Variants in GNB4 observed in about 807,000 individuals in gnomAD.
GNB4 encodes the protein G protein subunit beta 4, also known as guanine nucleotide-binding protein subunit beta-4.
A neutral mutation model predicts 45.2 loss-of-function variants in GNB4; 28 were observed. That is an observed-to-expected ratio of 0.62 (90% CI 0.46 to 0.85). The LOEUF (loss-of-function observed/expected upper bound fraction) is 0.85, where lower values mean the gene tolerates loss of function less well. GNB4 is among the 40% of genes least tolerant of loss of function. The pLI, the probability that GNB4 is intolerant of heterozygous loss-of-function variation, is 0.00. For missense variants in GNB4, 321 were observed against 425.4 expected (o/e 0.75, Z 2.16); for synonymous variants, 132 against 143.7 (o/e 0.92, Z 0.58).
chr3:179,509,794 G>T, the GNB4 span, among the ~76,000 whole-genome samples: 46 of 151,982 alleles, frequency 3.0e-4, 1 homozygote, highest in Admixed American at 2.9e-3. Context: ...ATACAATATT[G>T]GTTGTCCACA....
the GNB4 span, among the ~76,000 whole-genome samples, chr3:179,472,976 A>G: frequency 6.6e-6 from 1 of 152,174 alleles, no homozygotes; most frequent in Non-Finnish European, 1.5e-5. Context: ...ATCCTGGCTA[A>G]CACAGTGAAA....
At chr3:179,405,638 G>GC (rs1412760027) in intron 8 of GNB4, 2 of 420,586 alleles carry the variant, frequency 4.8e-6, no homozygotes, top group Non-Finnish European at 8.5e-6. Context: ...TCAGAACACA[G>GC]CAAGTATTCA....
At chr3:179,466,008 T>G in the GNB4 span, among the ~76,000 whole-genome samples, 1 of 11,076 alleles carries the variant, frequency 9.0e-5, no homozygotes, top group East Asian at 0.031. Context: ...CCTCTAGTCG[T>G]TTTTTTTTTT....
Position 179,401,093 on chromosome 3 carries a change from G to T in GNB4, c.*120C>A. On this transcript the variant is annotated 3_prime_UTR_variant, in exon 10 of 10. Coordinates refer to ENST00000232564, the MANE Select transcript of GNB4 (RefSeq NM_021629.4). ...GGTAGTTTACTGAAAGCTTGTTTTT[G>T]TAGATAATCTAATAGAAAAATCTTC... is the stretch of plus-strand genomic sequence containing the variant. 3.4e-6 allele frequency: 2 copies of T among 590,916 alleles called. No individual in the cohort carries two copies. The highest frequency in any genetic ancestry group is 5.3e-5 in the South Asian group (1 of 18,918). The allele number at this position is 590,916 out of a possible 1,614,324, so 36.6% of individuals were successfully genotyped here.
chr3:179,489,048 T>A, the GNB4 span, among the ~76,000 whole-genome samples: 1 of 76,300 alleles, frequency 1.3e-5, no homozygotes, highest in Non-Finnish European at 2.6e-5. Flanking sequence ...ATATATATAA[T>A]ATATATGTAA....
chr3:179,471,144 AC>A, the GNB4 span, among the ~76,000 whole-genome samples: 1 of 149,556 alleles, frequency 6.7e-6, no homozygotes, highest in Non-Finnish European at 1.5e-5. Context: ...GCGCCACTGC[AC>A]TCCAACCTGG....
At position 179,436,007 on chromosome 3, in the gene GNB4, C is replaced by CA. The variant is rs555793321; in HGVS notation, c.-42-9766dup. Among the ~76,000 whole-genome samples the CA allele has an allele frequency of 5.1e-4, 77 of 152,064 alleles. 1 individual carries two copies. Among genetic ancestry groups the CA allele is most frequent in the African/African-American group, 1.7e-3 (72 of 41,516 alleles). On this transcript the variant is annotated intron_variant, in intron 1 of 9. Coordinates refer to ENST00000232564, the MANE Select transcript of GNB4 (RefSeq NM_021629.4). Reference sequence around the variant, plus strand: ...TGAACACATTTTAATCTGTGCAAGACAAAAAAATACAAGTATTTCTTAGCT... The same window carrying CA: ...TGAACACATTTTAATCTGTGCAAGACAAAAAAAATACAAGTATTTCTTAGCT...
intron 1 of GNB4, among the ~76,000 whole-genome samples, chr3:179,446,350 T>A (rs1162152386): frequency 6.6e-6 from 1 of 152,210 alleles, no homozygotes; most frequent in African/African-American, 2.4e-5. Flanking sequence ...TTACTACAGT[T>A]GAGAGAAAGA....
chr3:179,513,524 C>T, the GNB4 span, among the ~76,000 whole-genome samples: 139 of 152,098 alleles, frequency 9.1e-4, no homozygotes, highest in African/African-American at 3.2e-3. Flanking sequence ...ATCAGCTGTA[C>T]ATGTACATAG....
At chr3:179,456,107 C>CTTTTT (rs10603569), upstream of GNB4, among the ~76,000 whole-genome samples, 1 of 122,624 alleles carries the variant, frequency 8.2e-6, no homozygotes, top group Non-Finnish European at 1.7e-5. Context: ...GGGACATAGA[C>CTTTTT]TTTTTTTTTT....
At chr3:179,430,662 G>A (rs1468993271) in intron 1 of GNB4, among the ~76,000 whole-genome samples, 4 of 126,646 alleles carry the variant, frequency 3.2e-5, no homozygotes, top group Non-Finnish European at 6.6e-5. Context: ...TTGCTATGTT[G>A]CCCAGGCTGG....
At chr3:179,441,652 TGAGGCAGGAGAATCGTTTGAACCCGG>T (rs1258829180) in intron 1 of GNB4, among the ~76,000 whole-genome samples, 6 of 150,550 alleles carry the variant, frequency 4.0e-5, no homozygotes, top group Admixed American at 6.6e-5. Flanking sequence ...CTTGGGAGAC[TGAGGCAGGAGAATCGTTTGAACCCGG>T]GAGGCAGAGG....
the GNB4 span, among the ~76,000 whole-genome samples, chr3:179,472,320 C>T: frequency 1.3e-5 from 2 of 150,936 alleles, no homozygotes; most frequent in African/African-American, 2.4e-5. Flanking sequence ...ATAATTAACA[C>T]ATATTTTTTC....
rs1714280214 is a variant in GNB4, at chr3:179,401,020, T to C, written c.*193A>G. 4.0e-6 allele frequency: 2 copies of C among 495,654 alleles called. No individual in the cohort carries two copies. Among genetic ancestry groups the C allele is most frequent in the Non-Finnish European group, 7.3e-6 (2 of 273,392 alleles). 30.7% of individuals were successfully genotyped at this position (495,654 alleles called of 1,614,324 possible). On this transcript the variant is annotated 3_prime_UTR_variant, in exon 10 of 10. Transcript: ENST00000232564. ...CAAATTAATACACTGGTCCTTTTGA[T>C]CTCAGAAGGCGCCTTTGCCTTTTTT...
At chr3:179,447,505 C>T (rs944773997) in intron 1 of GNB4, among the ~76,000 whole-genome samples, 5 of 152,050 alleles carry the variant, frequency 3.3e-5, no homozygotes, top group Non-Finnish European at 4.4e-5. Flanking sequence ...TGCACCACCA[C>T]GCCTGGCTAA....
At chr3:179,491,846 A>T in the GNB4 span, among the ~76,000 whole-genome samples, 8 of 152,360 alleles carry the variant, frequency 5.3e-5, no homozygotes, top group Middle Eastern at 3.4e-3. Context: ...GTGAAATGTC[A>T]TGTTTATTCA....
the GNB4 span, among the ~76,000 whole-genome samples, chr3:179,494,442 G>A: frequency 0.013 from 1,929 of 152,074 alleles, 60 homozygotes; most frequent in Non-Finnish European, 0.011. Flanking sequence ...GGAGTATGGG[G>A]TGGGAGGATT....
the GNB4 span, among the ~76,000 whole-genome samples, chr3:179,459,538 C>T: frequency 2.4e-4 from 37 of 152,126 alleles, no homozygotes; most frequent in South Asian, 2.5e-3. Flanking sequence ...CAAAATTAGC[C>T]GGGCTTGGTG....
Position 179,400,020 on chromosome 3 carries a change from T to C in GNB4, c.*1193A>G, listed in dbSNP as rs915964802. On this transcript the variant is annotated 3_prime_UTR_variant, in exon 10 of 10. Coordinates refer to ENST00000232564, the MANE Select transcript of GNB4 (RefSeq NM_021629.4). The stretch of plus-strand genomic sequence containing the variant: ...TGCTTTAGGAATTTTTATTTTGGCT[T>C]TAAGTGGAATCACTTACATCTAGAC... 7.2e-5 allele frequency: 11 copies of C among 152,250 alleles called. No homozygotes were observed. The highest frequency in any genetic ancestry group is 2.4e-4 in the African/African-American group (10 of 41,464). The allele number at this position is 152,250 out of a possible 1,614,324, so 9.4% of individuals were successfully genotyped here.
Sources: gnomAD v4.1 joint callset for allele counts (sites outside exome capture counted in the v4.1 genomes callset) on GRCh38, gnomAD v4.1.1 for gene constraint, MANE v1.5 for transcripts, NCBI Gene and HGNC (gene_info 2026-07-23, HGNC 2026-07-21) for gene names.